Variants in RABEPK observed in about 807,000 individuals in gnomAD.
RABEPK encodes the protein 40 kDa Rab9 effector protein.
RABEPK carries 27 observed loss-of-function variants against 34.1 expected under a neutral mutation model. The ratio of observed to expected loss-of-function variants is 0.79; its 90% CI spans 0.58 to 1.09. RABEPK has a LOEUF of 1.09. Among genes scored for constraint, RABEPK ranks in the 50% least tolerant of loss-of-function variants. The pLI is 0.00. For missense variants in RABEPK, 449 were observed against 462.6 expected (o/e 0.97, Z 0.27); for synonymous variants, 172 against 169.2 (o/e 1.02, Z -0.13).
Position 125,203,047 on chromosome 9 carries a change from A to G in RABEPK, c.34A>G (p.Lys12Glu). The G allele has an allele frequency of 1.9e-6, 3 of 1,613,620 alleles. No individual in the cohort carries two copies. The highest frequency in any genetic ancestry group is 2.5e-6 in the Non-Finnish European group (3 of 1,179,668). Residue 12 changes from lysine (K) to glutamate (E), a missense_variant, in exon 2 of 8, where the codon AAG becomes GAG. Lys to Glu is a moderately conservative substitution (Grantham distance 56, BLOSUM62 1). Transcript: ENST00000373538. ...KQLPVLEPGD[K>E]PRKATWYTLT... The stretch of plus-strand genomic sequence containing the variant: ...ACTGCCAGTCTTGGAACCTGGAGAC[A>G]AGCCCAGGAAAGCAACATGGTCTGT...
chr9:125,227,148 C>T (rs1030438382), intron 5 of RABEPK, among the ~76,000 whole-genome samples: 2 of 151,872 alleles, frequency 1.3e-5, no homozygotes, highest in African/African-American at 4.8e-5. Context: ...CCAGCCTGGG[C>T]GACAAGACCG....
At position 125,218,715 on chromosome 9, in the gene RABEPK, GTCTC is replaced by G. The variant is rs369535263; in HGVS notation, c.365-1810_365-1807del. ...ATTTCTTAGGCATGTCACTTTATCTGTCTCTCTCTCTCTCTCTTTCTCTCTCTCT... is the reference window on the plus strand; with the variant it reads ...ATTTCTTAGGCATGTCACTTTATCTGTCTCTCTCTCTCTTTCTCTCTCTCT... On this transcript the variant is annotated intron_variant, in intron 4 of 7. Transcript: ENST00000373538. Among the ~76,000 whole-genome samples, 14 of 151,074 alleles carry G rather than the reference GTCTC, an allele frequency of 9.3e-5. No homozygotes were observed. In the East Asian group the frequency reaches 9.7e-4, roughly 10 times the overall value.
intron 3 of RABEPK, among the ~76,000 whole-genome samples, chr9:125,212,817 G>A (rs541297888): frequency 1.3e-4 from 19 of 151,846 alleles, no homozygotes; most frequent in Admixed American, 1.3e-4. Flanking sequence ...CTACAGGCAC[G>A]TGCCACTATG....
rs1832406825 is a variant in RABEPK, at chr9:125,233,908, CTGTT to C, written c.1050_1053del (p.Cys350TrpfsTer6). Reference sequence around the variant, plus strand: ...AGGAAAGCCAGACTGCTACACTGCTCTGTTTGGTGTTTGGTGGGATGAATACAGA... The same window carrying C: ...AGGAAAGCCAGACTGCTACACTGCTCTGGTGTTTGGTGGGATGAATACAGA... On this transcript the variant is annotated frameshift_variant, in exon 8 of 8. Coordinates refer to ENST00000373538, the MANE Select transcript of RABEPK (RefSeq NM_005833.4). LOFTEE classifies it high-confidence loss of function. 3.7e-6 allele frequency: 6 copies of C among 1,613,598 alleles called. No individual in the cohort carries two copies. Among genetic ancestry groups the C allele is most frequent in the East Asian group, 2.2e-5 (1 of 44,882 alleles).
intron 4 of RABEPK, among the ~76,000 whole-genome samples, chr9:125,216,449 C>CCGG (rs1830931645): frequency 6.7e-6 from 1 of 149,014 alleles, no homozygotes; most frequent in Non-Finnish European, 1.5e-5. Context: ...AATAGTTGGT[C>CCGG]AGAGTTCAGG....
At chr9:125,211,694 A>G (rs1423770897) in intron 3 of RABEPK, among the ~76,000 whole-genome samples, 2 of 152,078 alleles carry the variant, frequency 1.3e-5, no homozygotes, top group Non-Finnish European at 2.9e-5. Flanking sequence ...AATCAAAGGT[A>G]GGCTGGACGA....
chr9:125,227,442 G>C (rs1277670504), intron 5 of RABEPK, among the ~76,000 whole-genome samples: 1 of 150,994 alleles, frequency 6.6e-6, no homozygotes, highest in Non-Finnish European at 1.5e-5. Flanking sequence ...TTTTTTTTAA[G>C]ACAGAGTCTT....
At chr9:125,207,227 T>C (rs568401785) in intron 2 of RABEPK, among the ~76,000 whole-genome samples, 72 of 152,272 alleles carry the variant, frequency 4.7e-4, no homozygotes, top group African/African-American at 1.7e-3. Context: ...TCTGTCTGAA[T>C]TCATACACCA....
At chr9:125,230,527 A>C (rs1253130395) in intron 6 of RABEPK, among the ~76,000 whole-genome samples, 1 of 146,466 alleles carries the variant, frequency 6.8e-6, no homozygotes, top group African/African-American at 2.5e-5. Context: ...TTGCATTGAC[A>C]GATGGAAACT....
rs369057277 is a variant in RABEPK at position 125,227,958 on chromosome 9, C to T, written c.575C>T (p.Pro192Leu). Residue 192 changes from proline (P) to leucine (L), a missense_variant, in exon 6 of 8, where the codon CCC (proline) becomes CTC (leucine). Pro to Leu is a moderately conservative substitution (Grantham distance 98, BLOSUM62 -3). Transcript: ENST00000373538. Reference protein sequence around the residue: ...QPETLGNPPSPRHGHVMVAAG... With the variant: ...QPETLGNPPSLRHGHVMVAAG... ...GAGACACTTGGAAATCCTCCATCTC[C>T]CCGGCATGGTCATGTGATGGTGGCA... The T allele has an allele frequency of 6.2e-7, 1 of 1,608,820 alleles. No individual in the cohort carries two copies. Among genetic ancestry groups the T allele is most frequent in the Non-Finnish European group, 8.5e-7 (1 of 1,177,096 alleles).
At chr9:125,233,136 C>G (rs1170221695) in intron 7 of RABEPK, among the ~76,000 whole-genome samples, 1 of 151,442 alleles carries the variant, frequency 6.6e-6, no homozygotes, top group Non-Finnish European at 1.5e-5. Flanking sequence ...TTTGGTTCCT[C>G]TATATCTAAA....
intron 5 of RABEPK, among the ~76,000 whole-genome samples, chr9:125,224,880 A>G (rs1831625572): frequency 6.6e-6 from 1 of 152,146 alleles, no homozygotes; most frequent in Admixed American, 6.6e-5. Flanking sequence ...TCTAACCATT[A>G]TCCTATACTG....
rs185053788 is a variant in RABEPK at position 125,216,016 on chromosome 9, G to A, written c.364+2494G>A. 1.7e-3 allele frequency among the ~76,000 whole-genome samples: 252 copies of A among 152,204 alleles called. 1 individual carries two copies. Among genetic ancestry groups the A allele is most frequent in the African/African-American group, 5.4e-3 (225 of 41,534 alleles). ...ATAGTTTAAATATGCATTTTGGGCC[G>A]GTGCGGTGGCTCACACCTGTAATCC... is the stretch of plus-strand genomic sequence containing the variant. On this transcript the variant is annotated intron_variant, in intron 4 of 7. Transcript: ENST00000373538.
intron 6 of RABEPK, among the ~76,000 whole-genome samples, chr9:125,232,245 C>CACACACACAG (rs1554733096): frequency 1.3e-5 from 2 of 149,784 alleles, no homozygotes; most frequent in African/African-American, 2.5e-5. Flanking sequence ...CACACACACA[C>CACACACACAG]AGAGACAGAG....
At chr9:125,224,930 T>G (rs537586044) in intron 5 of RABEPK, among the ~76,000 whole-genome samples, 1 of 152,114 alleles carries the variant, frequency 6.6e-6, no homozygotes, top group Non-Finnish European at 1.5e-5. Flanking sequence ...TTAAGACTAG[T>G]CTGTTTTTTT....
Position 125,220,301 on chromosome 9 carries a change from G to C in RABEPK, c.365-238G>C, listed in dbSNP as rs368224344. The C allele has an allele frequency of 3.0e-4, 427 of 1,421,154 alleles. 2 individuals carry two copies. In the African/African-American group the frequency reaches 4.3e-3, roughly 14 times the overall value. 88.0% of individuals were successfully genotyped at this position (1,421,154 alleles called of 1,614,324 possible). A position where few individuals can be genotyped will look rare whatever the true frequency, so the allele number is the denominator to read the frequency against. ...ACAGGCATGAGCCACACTGCACCCA[G>C]CCTGACTCCATTCTTGTGCTTACAG... On this transcript the variant is annotated intron_variant, in intron 4 of 7. Transcript: ENST00000373538.
rs758224034 is a variant in RABEPK at position 125,233,992 on chromosome 9, T to C, written c.*12T>C. 3.2e-6 allele frequency: 5 copies of C among 1,569,728 alleles called. No individual in the cohort carries two copies. The highest frequency in any genetic ancestry group is 4.4e-6 in the Non-Finnish European group (5 of 1,145,818). On this transcript the variant is annotated 3_prime_UTR_variant, in exon 8 of 8. Coordinates refer to ENST00000373538, the MANE Select transcript of RABEPK (RefSeq NM_005833.4). The stretch of plus-strand genomic sequence containing the variant: ...CTGTAGTGGACTAATAAAACCCACA[T>C]TTTTATTACCTGTCAGTTACTTTCA...
intron 6 of RABEPK, 92 bp downstream of exon 6, chr9:125,228,151 G>A (rs1446887446): frequency 8.8e-7 from 1 of 1,130,104 alleles, no homozygotes; most frequent in East Asian, 3.1e-5. Context: ...CACTCAGGCT[G>A]GAGTGCGGTG....
intron 6 of RABEPK, among the ~76,000 whole-genome samples, chr9:125,231,930 G>C (rs551444113): frequency 7.9e-6 from 1 of 125,944 alleles, no homozygotes; most frequent in Non-Finnish European, 1.6e-5. Flanking sequence ...ACGGAGCTTC[G>C]CTCTTGTTGC....
Sources: gnomAD v4.1 joint callset for allele counts (sites outside exome capture counted in the v4.1 genomes callset) on GRCh38, gnomAD v4.1.1 for gene constraint, MANE v1.5 for transcripts, NCBI Gene and HGNC (gene_info 2026-07-23, HGNC 2026-07-21) for gene names.